Variants in PPP2R2B observed in about 807,000 individuals in gnomAD.
PPP2R2B encodes the protein serine/threonine-protein phosphatase 2A 55 kDa regulatory subunit B beta isoform.
A neutral mutation model predicts 46.0 loss-of-function variants in PPP2R2B; 5 were observed. The observed-to-expected ratio is 0.11, with a 90% CI of 0.06 to 0.23. The LOEUF (loss-of-function observed/expected upper bound fraction) is 0.23. Ranked by LOEUF, PPP2R2B falls within the 10% of genes least tolerant of loss-of-function variation. The pLI, the probability that PPP2R2B is intolerant of heterozygous loss-of-function variation, is 1.00. For synonymous variants in PPP2R2B, 215 were observed against 206.7 expected, an observed-to-expected ratio of 1.04 and a Z score of -0.34; for missense variants, 367 against 575.0, an observed-to-expected ratio of 0.64 and a Z score of 3.70.
At chr5:146,855,533 T>G (rs1286293947) in intron 2 of PPP2R2B, among the ~76,000 whole-genome samples, 1 of 152,162 alleles carries the variant, frequency 6.6e-6, no homozygotes, top group African/African-American at 2.4e-5. Flanking sequence ...CTTCCCTTTT[T>G]GAACTGTGAC....
In PPP2R2B at chr5:146,904,661, T is replaced by C. The variant is rs186314113; in HGVS notation, c.79+151004A>G. Among the ~76,000 whole-genome samples the C allele has an allele frequency of 1.3e-4, 20 of 152,326 alleles. No homozygotes were observed. In the East Asian group the frequency reaches 3.5e-3, roughly 26 times the overall value. On this transcript the variant is annotated intron_variant, in intron 1 of 8. Transcript: ENST00000336640. ...CTGAAGACATCTGCTTGAAGTCCTG[T>C]AGCCTCAGTATAGAATGAAAGAGAC...
intron 1 of PPP2R2B, among the ~76,000 whole-genome samples, chr5:147,032,483 T>C (rs781556134): frequency 1.6e-4 from 25 of 152,110 alleles, no homozygotes; most frequent in Non-Finnish European, 2.9e-4. Flanking sequence ...CTGCACCATA[T>C]TTATAGTATT....
intron 9 of PPP2R2B, 78 bp from the exon 10 acceptor site, chr5:146,590,304 C>A: frequency 7.0e-7 from 1 of 1,431,506 alleles, no homozygotes. Context: ...ATGTTATGGC[C>A]AGCTTATGAC....
chr5:146,981,896 A>G (rs1753195288), intron 1 of PPP2R2B, among the ~76,000 whole-genome samples: 2 of 152,188 alleles, frequency 1.3e-5, no homozygotes, highest in African/African-American at 4.8e-5. Context: ...CTGACTCATA[A>G]CCTCTGTAGC....
chr5:146,601,198 T>A (rs1393126226), intron 7 of PPP2R2B, among the ~76,000 whole-genome samples: 1 of 152,204 alleles, frequency 6.6e-6, no homozygotes, highest in Non-Finnish European at 1.5e-5. Context: ...AGCATTTGAG[T>A]TGTTTCCACT....
At position 146,925,814 on chromosome 5, in the gene PPP2R2B, C is replaced by T. The variant is rs76428505; in HGVS notation, c.79+129851G>A. ...AGCTTGTCCCACAGGTTTTTGAGGG[C>T]CTGTTAATTTTACTGCAGTCTGTTT... On this transcript the variant is annotated intron_variant, in intron 1 of 8. Transcript: ENST00000336640. 5.6e-3 allele frequency among the ~76,000 whole-genome samples: 855 copies of T among 152,152 alleles called. 29 individuals are homozygous for T. In the East Asian group the frequency reaches 0.067, roughly 12 times the overall value.
chr5:146,886,340 AAAAT>A (rs59329730), intron 1 of PPP2R2B, among the ~76,000 whole-genome samples: 10 of 145,216 alleles, frequency 6.9e-5, no homozygotes, highest in South Asian at 2.2e-4. Flanking sequence ...CTCCGTCTCA[AAAAT>A]AAATAAATAA....
chr5:146,971,604 C>A (rs1752664652), intron 1 of PPP2R2B, among the ~76,000 whole-genome samples: 1 of 152,142 alleles, frequency 6.6e-6, no homozygotes, highest in Non-Finnish European at 1.5e-5. Context: ...TATTAAATTT[C>A]TTGAAATGTA....
At chr5:146,803,490 A>C (rs950644178) in intron 2 of PPP2R2B, among the ~76,000 whole-genome samples, 12 of 152,220 alleles carry the variant, frequency 7.9e-5, no homozygotes, top group African/African-American at 2.9e-4. Flanking sequence ...CATTTAATAA[A>C]ATTTATTTAT....
intron 5 of PPP2R2B, among the ~76,000 whole-genome samples, chr5:146,666,625 C>T (rs1776993829): frequency 6.6e-6 from 1 of 152,192 alleles, no homozygotes; most frequent in African/African-American, 2.4e-5. Context: ...ACTTCAGATA[C>T]TTGAGGACAG....
At chr5:146,789,948 A>G (rs160974) in intron 2 of PPP2R2B, among the ~76,000 whole-genome samples, 75,377 of 152,044 alleles carry the variant, frequency 0.5, 21,065 homozygotes, top group Middle Eastern at 0.63. Context: ...TAGGTCTGCA[A>G]GGATAATGGG....
At chr5:146,751,677 GAC>G (rs1281120821) in intron 2 of PPP2R2B, 1 of 152,206 alleles carries the variant, frequency 6.6e-6, no homozygotes. Flanking sequence ...GGAGGAGGAA[GAC>G]ACACATAGAT....
intron 2 of PPP2R2B, among the ~76,000 whole-genome samples, chr5:146,761,351 C>T (rs978978100): frequency 7.2e-5 from 11 of 152,154 alleles, no homozygotes; most frequent in African/African-American, 2.7e-4. Flanking sequence ...ATGATGAGTT[C>T]ATGTCCTTTG....
chr5:146,675,124 G>T (rs1415360180), intron 5 of PPP2R2B, among the ~76,000 whole-genome samples: 1 of 152,026 alleles, frequency 6.6e-6, no homozygotes, highest in African/African-American at 2.4e-5. Context: ...ACCACACCCA[G>T]CTAATTTTTG....
chr5:146,991,136 G>A (rs747175431), intron 1 of PPP2R2B, among the ~76,000 whole-genome samples: 5 of 152,086 alleles, frequency 3.3e-5, no homozygotes, highest in Non-Finnish European at 7.4e-5. Flanking sequence ...ATGTAAATTA[G>A]TATAGCCATT....
At chr5:146,758,149 T>C (rs928263872) in intron 2 of PPP2R2B, among the ~76,000 whole-genome samples, 1 of 152,212 alleles carries the variant, frequency 6.6e-6, no homozygotes, top group Non-Finnish European at 1.5e-5. Context: ...ACATCAGTGA[T>C]GTCTGCTTTC....
intron 1 of PPP2R2B, among the ~76,000 whole-genome samples, chr5:147,034,605 AT>A (rs1298183722): frequency 6.6e-6 from 1 of 152,060 alleles, no homozygotes; most frequent in Non-Finnish European, 1.5e-5. Flanking sequence ...AAAATCCGTA[AT>A]TTTTTCCCTA....
chr5:146,804,224 C>T (rs1458811595), intron 2 of PPP2R2B, among the ~76,000 whole-genome samples: 2 of 152,000 alleles, frequency 1.3e-5, no homozygotes, highest in Non-Finnish European at 2.9e-5. Context: ...TTGAGCACTA[C>T]TTCCTATGCA....
intron 2 of PPP2R2B, among the ~76,000 whole-genome samples, chr5:146,753,446 T>G (rs1420517006): frequency 6.6e-6 from 1 of 152,168 alleles, no homozygotes; most frequent in African/African-American, 2.4e-5. Flanking sequence ...GACACACCAT[T>G]TTGAATCTGA....
Sources: gnomAD v4.1 joint callset for allele counts (sites outside exome capture counted in the v4.1 genomes callset) on GRCh38, gnomAD v4.1.1 for gene constraint, MANE v1.5 for transcripts, NCBI Gene and HGNC (gene_info 2026-07-23, HGNC 2026-07-21) for gene names.